The following CACNA2D1 variants were observed in gnomAD, a reference collection of about 807,000 sequenced individuals.
The protein encoded by CACNA2D1 is voltage-dependent calcium channel subunit alpha-2/delta-1.
A neutral mutation model predicts 171.5 loss-of-function variants in CACNA2D1; 53 were observed. The observed-to-expected ratio is 0.31, with a 90% confidence interval of 0.25 to 0.39. The LOEUF is 0.39. Ranked by LOEUF, CACNA2D1 falls within the 10% of genes least tolerant of loss-of-function variation. The pLI is 1.00. For synonymous variants in CACNA2D1, 442 were observed against 443.1 expected (o/e 1.00, Z 0.03); for missense variants, 903 against 1,299.8 (o/e 0.69, Z 4.69).
chr7:82,256,588 C>T (rs898470662), intron 3 of CACNA2D1, among the ~76,000 whole-genome samples: 1 of 152,050 alleles, frequency 6.6e-6, no homozygotes, highest in African/African-American at 2.4e-5. Flanking sequence ...ATAGTGTATA[C>T]AGCAAAGAGA....
intron 38 of CACNA2D1, among the ~76,000 whole-genome samples, chr7:81,955,029 A>T (rs1922060): frequency 0.4 from 61,399 of 151,936 alleles, 12,561 homozygotes; most frequent in East Asian, 0.51. Context: ...GGGTTTGCAT[A>T]AAATAATAAA....
chr7:81,967,199 A>G lies in CACNA2D1; in HGVS notation c.2472T>C (p.Gly824=). 1 of 1,608,422 alleles carries G rather than the reference A, an allele frequency of 6.2e-7. No homozygotes were observed. The change falls in exon 31 of 39, where the codon GGT becomes GGC. Residue 824 remains glycine, a synonymous_variant. Transcript: ENST00000356860. ...TKTSIRDPCA[G]PVCDCKRNSD... is the part of the protein sequence containing the mutation. ...TGTTTCTTTTGCAGTCACAAACTGG[A>G]CCAGCACACTGAAAGACAAAAATGC...
At chr7:82,090,100 C>G (rs536306741) in intron 6 of CACNA2D1, among the ~76,000 whole-genome samples, 1 of 152,058 alleles carries the variant, frequency 6.6e-6, no homozygotes. Flanking sequence ...TATCCATCAC[C>G]TTTACATAAC....
At chr7:82,262,795 C>T (rs1277844005) in intron 3 of CACNA2D1, among the ~76,000 whole-genome samples, 1 of 152,100 alleles carries the variant, frequency 6.6e-6, no homozygotes, top group African/African-American at 2.4e-5. Flanking sequence ...TCTCCCAGAG[C>T]AATCATGAAA....
intron 21 of CACNA2D1, among the ~76,000 whole-genome samples, chr7:81,987,679 G>A (rs73705432): frequency 0.017 from 2,567 of 152,196 alleles, 73 homozygotes; most frequent in African/African-American, 0.059. Context: ...TTGTGAATTT[G>A]TACAGTGATT....
At position 82,443,413 on chromosome 7, in the gene CACNA2D1, G is replaced by A. The variant is rs1274978372; in HGVS notation, c.47C>T (p.Ser16Phe). The stretch of plus-strand genomic sequence containing the variant: ...CTCCGACGAGGGGCCGATGAGCAAA[G>A]ATTGGAAAAGTGTCAGAGTCAAGGC... ...LLALTLTLFQ[S>F]LLIGPSSEEP... is the part of the protein sequence containing the mutation. Residue 16 changes from serine (S) to phenylalanine (F), a missense_variant, in exon 1 of 39, where the codon TCT becomes TTT. Physicochemically the swap from Ser to Phe is radical, Grantham distance 155. This residue lies in a region of CACNA2D1 where 41 missense variants were observed against 27.6 expected (regional missense o/e 1.49). Coordinates refer to ENST00000356860, the MANE Select transcript of CACNA2D1 (RefSeq NM_000722.4). 6.8e-6 allele frequency: 11 copies of A among 1,607,184 alleles called. No homozygotes were observed. Among genetic ancestry groups the A allele is most frequent in the Non-Finnish European group, 9.3e-6 (11 of 1,176,526 alleles).
chr7:82,001,645 T>C (rs76743801), intron 18 of CACNA2D1: 33,176 of 1,108,146 alleles, frequency 0.03, 583 homozygotes, highest in Non-Finnish European at 0.035. Flanking sequence ...AAGGCTACCT[T>C]CATTCACAGT....
chr7:81,962,485 G>C lies in CACNA2D1; in HGVS notation c.2791C>G (p.Gln931Glu), dbSNP rs145110338. 17 of 1,596,902 alleles carry C rather than the reference G, an allele frequency of 1.1e-5. No individual in the cohort carries two copies. In the Admixed American group the frequency reaches 1.7e-4, roughly 16 times the overall value. ...WATAAAWSILQQFLLSLTFPR... is the reference protein window; with the variant it reads ...WATAAAWSILEQFLLSLTFPR... Reference sequence around the variant, plus strand: ...AAGGTCAAACTCAAGAGAAACTGCTGTAGAATAGACCTGAATTTTTCAAAT... The same window carrying C: ...AAGGTCAAACTCAAGAGAAACTGCTCTAGAATAGACCTGAATTTTTCAAAT... The change falls in exon 35 of 39, where the codon CAG (glutamine) becomes GAG (glutamate). Residue 931 changes from glutamine to glutamate, a missense_variant. Transcript: ENST00000356860.
chr7:82,402,284 C>T (rs576999613), intron 1 of CACNA2D1, among the ~76,000 whole-genome samples: 15 of 152,312 alleles, frequency 9.8e-5, no homozygotes, highest in Admixed American at 5.2e-4. Context: ...AAATTCAGAA[C>T]GTACCATGTT....
intron 20 of CACNA2D1, among the ~76,000 whole-genome samples, chr7:81,992,314 A>G (rs1244832103): frequency 6.6e-6 from 1 of 152,064 alleles, no homozygotes; most frequent in African/African-American, 2.4e-5. Context: ...CCTGCAATTT[A>G]TTGATGAAGA....
At chr7:82,175,470 C>A (rs116583051) in intron 3 of CACNA2D1, among the ~76,000 whole-genome samples, 2 of 151,996 alleles carry the variant, frequency 1.3e-5, no homozygotes, top group African/African-American at 2.4e-5. Context: ...GTTGACAATT[C>A]AATTATCACT....
chr7:82,363,824 T>A (rs1012294110), intron 1 of CACNA2D1, among the ~76,000 whole-genome samples: 17 of 152,244 alleles, frequency 1.1e-4, no homozygotes, highest in African/African-American at 4.1e-4. Context: ...GGACTGGGTC[T>A]GATTCTCCAG....
intron 38 of CACNA2D1, among the ~76,000 whole-genome samples, chr7:81,953,718 C>A (rs1792876371): frequency 6.6e-6 from 1 of 152,030 alleles, no homozygotes; most frequent in African/African-American, 2.4e-5. Context: ...GTCATTGTCA[C>A]TTAAACAGGA....
chr7:82,358,161 T>C (rs1820673294), intron 1 of CACNA2D1, among the ~76,000 whole-genome samples: 1 of 152,190 alleles, frequency 6.6e-6, no homozygotes, highest in East Asian at 1.9e-4. Context: ...AAGTCTAGTG[T>C]TCCACTTGCT....
chr7:82,222,665 T>C (rs1374848671), intron 3 of CACNA2D1, among the ~76,000 whole-genome samples: 1 of 152,128 alleles, frequency 6.6e-6, no homozygotes, highest in Non-Finnish European at 1.5e-5. Flanking sequence ...CAACACTTTT[T>C]TTTCCTTTAA....
At chr7:82,137,634 G>A (rs1162739821) in intron 4 of CACNA2D1, among the ~76,000 whole-genome samples, 1 of 150,826 alleles carries the variant, frequency 6.6e-6, no homozygotes, top group Admixed American at 6.6e-5. Flanking sequence ...CACTTCGGGA[G>A]GCCGAGGTGG....
chr7:82,232,838 TG>T, intron 3 of CACNA2D1, among the ~76,000 whole-genome samples: 2 of 110,564 alleles, frequency 1.8e-5, no homozygotes. Flanking sequence ...CACTCCAGCC[TG>T]GGCAACAGAG....
At chr7:82,070,924 T>C (rs1019661806) in intron 7 of CACNA2D1, among the ~76,000 whole-genome samples, 1 of 151,510 alleles carries the variant, frequency 6.6e-6, no homozygotes, top group African/African-American at 2.4e-5. Flanking sequence ...ATGACGGAGA[T>C]GAGGATAAGC....
intron 18 of CACNA2D1, among the ~76,000 whole-genome samples, chr7:81,997,491 C>T (rs1237314518): frequency 6.6e-6 from 1 of 151,326 alleles, no homozygotes; most frequent in Non-Finnish European, 1.5e-5. Flanking sequence ...ATTTTGAGTG[C>T]TGTATTTGAT....
Sources: gnomAD v4.1 joint callset for allele counts (sites outside exome capture counted in the v4.1 genomes callset) on GRCh38, gnomAD v4.1.1 for gene constraint, gnomAD v4.1.1 regional missense constraint, MANE v1.5 for transcripts, NCBI Gene and HGNC (gene_info 2026-07-23, HGNC 2026-07-21) for gene names.